Variants in FYB1 observed in about 807,000 individuals in gnomAD.
FYB1 encodes the protein FYN binding protein 1.
Under a neutral mutation model 94.1 loss-of-function variants are expected in FYB1, and 41 were observed. The observed-to-expected ratio is 0.44, with a 90% CI of 0.34 to 0.57. FYB1 has a LOEUF of 0.57. Among genes scored for constraint, FYB1 ranks in the 20% least tolerant of loss-of-function variants. FYB1 has a pLI of 0.02. For synonymous variants in FYB1, 367 were observed against 353.2 expected (o/e 1.04, Z -0.44); for missense variants, 1,050 against 976.8 (o/e 1.07, Z -1.00).
intron 3 of FYB1, among the ~76,000 whole-genome samples, chr5:39,143,520 C>G (rs1412057681): frequency 1.4e-5 from 2 of 147,778 alleles, no homozygotes; most frequent in Non-Finnish European, 2.9e-5. Flanking sequence ...CTTCTCTTCC[C>G]TATCCTGATA....
chr5:39,109,258 A>G (rs1738832002), intron 17 of FYB1, among the ~76,000 whole-genome samples: 1 of 151,942 alleles, frequency 6.6e-6, no homozygotes. Context: ...GGGTTTGGCT[A>G]ACGGAAATCT....
intron 3 of FYB1, among the ~76,000 whole-genome samples, chr5:39,142,031 C>A (rs938243064): frequency 6.6e-6 from 1 of 152,142 alleles, no homozygotes; most frequent in Non-Finnish European, 1.5e-5. Flanking sequence ...AATACCTGGG[C>A]CTTACAAATC....
chr5:39,128,877 A>C (rs1740919569), intron 10 of FYB1, among the ~76,000 whole-genome samples: 1 of 152,158 alleles, frequency 6.6e-6, no homozygotes, highest in Admixed American at 6.5e-5. Context: ...TAGAATAATT[A>C]ATATTGCTAA....
At chr5:39,139,713 T>A (rs903517790) in intron 4 of FYB1, 1 of 152,208 alleles carries the variant, frequency 6.6e-6, no homozygotes, top group African/African-American at 2.4e-5. Context: ...TACTGAATAT[T>A]GAAACAGAAT....
intron 2 of FYB1, among the ~76,000 whole-genome samples, chr5:39,189,235 CTTTT>C: frequency 7.3e-6 from 1 of 136,960 alleles, no homozygotes; most frequent in African/African-American, 2.7e-5. Flanking sequence ...TATGGAATTC[CTTTT>C]TTTTTTTTTT....
intron 4 of FYB1, 149 bp from the exon 5 acceptor site, chr5:39,139,401 A>T (rs1741952981): frequency 1.5e-6 from 1 of 648,202 alleles, no homozygotes; most frequent in Non-Finnish European, 2.3e-6. Context: ...AGAAAATCAA[A>T]TACGTACTTT....
intron 1 of FYB1, among the ~76,000 whole-genome samples, chr5:39,268,269 C>T (rs169048): frequency 0.39 from 58,321 of 149,224 alleles, 11,877 homozygotes; most frequent in Non-Finnish European, 0.46. Context: ...ACAGGGTTGC[C>T]TGGGTTGGAG....
intron 1 of FYB1, among the ~76,000 whole-genome samples, chr5:39,244,871 G>A (rs562396277): frequency 2.6e-5 from 4 of 152,268 alleles, no homozygotes; most frequent in Non-Finnish European, 5.9e-5. Flanking sequence ...AGTCTTGGGA[G>A]GGTGTATGTG....
chr5:39,255,759 A>C (rs1371777587), intron 1 of FYB1, among the ~76,000 whole-genome samples: 1 of 152,198 alleles, frequency 6.6e-6, no homozygotes, highest in Non-Finnish European at 1.5e-5. Flanking sequence ...TTCAGGAACA[A>C]AGTAGGTAAC....
At chr5:39,196,990 T>C (rs899461003) in intron 2 of FYB1, among the ~76,000 whole-genome samples, 2 of 152,170 alleles carry the variant, frequency 1.3e-5, no homozygotes, top group African/African-American at 4.8e-5. Context: ...AGTTAATACA[T>C]TGGGCAAAGA....
chr5:39,271,828 C>A (rs1325661063), intron 1 of FYB1, among the ~76,000 whole-genome samples: 1 of 152,080 alleles, frequency 6.6e-6, no homozygotes, highest in Non-Finnish European at 1.5e-5. Context: ...TCTGAAATTG[C>A]ACATTATCTT....
chr5:39,111,988 A>G (rs1001992733), intron 16 of FYB1, among the ~76,000 whole-genome samples: 8 of 151,980 alleles, frequency 5.3e-5, no homozygotes, highest in African/African-American at 1.9e-4. Flanking sequence ...TTTCATGTTA[A>G]CAGACTTTCT....
chr5:39,146,354 T>C (rs770182868), intron 3 of FYB1, among the ~76,000 whole-genome samples: 8 of 152,242 alleles, frequency 5.3e-5, no homozygotes, highest in Non-Finnish European at 8.8e-5. Flanking sequence ...TCCTTCGTAA[T>C]TATGGGGTAA....
At chr5:39,237,324 TGGAA>T (rs1195345395) in intron 1 of FYB1, among the ~76,000 whole-genome samples, 1 of 152,016 alleles carries the variant, frequency 6.6e-6, no homozygotes, top group Non-Finnish European at 1.5e-5. Flanking sequence ...GGTGCATACA[TGGAA>T]GTAAAAGGGC....
rs1215566635 is a variant in FYB1 at position 39,202,805 on chromosome 5, G to A, written c.156C>T (p.Ser52=). Residue 52 remains serine, a synonymous_variant, in exon 2 of 19, where the codon AGC becomes AGT. Coordinates refer to ENST00000512982, the MANE Select transcript of FYB1 (RefSeq NM_001465.6). ...QGNASPPAGP[S]NVPKFGSPKP... ...TTGGGGACCCAAACTTAGGTACATT[G>A]CTGGGTCCTGCAGGAGGGCTGGCAT... The A allele has an allele frequency of 6.2e-7, 1 of 1,613,956 alleles. No individual in the cohort carries two copies. Among genetic ancestry groups the A allele is most frequent in the Non-Finnish European group, 8.5e-7 (1 of 1,179,866 alleles).
intron 1 of FYB1, among the ~76,000 whole-genome samples, chr5:39,234,893 G>T (rs1208456784): frequency 6.6e-6 from 1 of 152,020 alleles, no homozygotes; most frequent in East Asian, 1.9e-4. Flanking sequence ...CCTGTCAGGG[G>T]GTCGGGGGCA....
chr5:39,267,980 TG>T (rs1359501324), intron 1 of FYB1, among the ~76,000 whole-genome samples: 9 of 152,160 alleles, frequency 5.9e-5, no homozygotes, highest in Admixed American at 5.9e-4. Flanking sequence ...AAACAAATTG[TG>T]GGCTACTACA....
Position 39,219,425 on chromosome 5 carries a change from CCT to C in FYB1, c.-28+16_-28+17del. On this transcript the variant is annotated intron_variant, in intron 1 of 18. Coordinates refer to ENST00000512982, the MANE Select transcript of FYB1 (RefSeq NM_001465.6). ...TTACACATTTATTTGAAAGAAGAAA[CCT>C]AGGCATAGCTGTTACCTGACTCCTG... The C allele has an allele frequency of 1.0e-6, 1 of 985,374 alleles. No homozygotes were observed. Among genetic ancestry groups the C allele is most frequent in the Non-Finnish European group, 1.2e-6 (1 of 829,868 alleles). The allele number at this position is 985,374 out of a possible 1,614,324, so 61.0% of individuals were successfully genotyped here.
chr5:39,149,114 A>G (rs1289784577), intron 3 of FYB1, among the ~76,000 whole-genome samples: 1 of 152,192 alleles, frequency 6.6e-6, no homozygotes, highest in Non-Finnish European at 1.5e-5. Context: ...TGGGGAAACA[A>G]TACAATTTAA....
Sources: gnomAD v4.1 joint callset for allele counts (sites outside exome capture counted in the v4.1 genomes callset) on GRCh38, gnomAD v4.1.1 for gene constraint, MANE v1.5 for transcripts, NCBI Gene and HGNC (gene_info 2026-07-23, HGNC 2026-07-21) for gene names.